The following CFH variants were observed in gnomAD, a reference collection of about 807,000 sequenced individuals.
CFH encodes the protein complement factor H.
Under a neutral mutation model 147.3 loss-of-function variants are expected in CFH, and 53 were observed. The observed-to-expected ratio is 0.36, with a 90% CI of 0.29 to 0.45. The LOEUF is 0.45. Among genes scored for constraint, CFH ranks in the 20% least tolerant of loss-of-function variants. The pLI, the probability that CFH is intolerant of heterozygous loss-of-function variation, is 1.00. For missense variants in CFH, 1,380 were observed against 1,498.0 expected, an observed-to-expected ratio of 0.92 and a Z score of 1.30; for synonymous variants, 536 against 489.4, an observed-to-expected ratio of 1.10 and a Z score of -1.26.
chr1:196,719,937 TTAAAA>T (rs1402831532), intron 11 of CFH, among the ~76,000 whole-genome samples: 1 of 151,648 alleles, frequency 6.6e-6, no homozygotes, highest in Non-Finnish European at 1.5e-5. Context: ...TTTTTTTAAC[TTAAAA>T]TATATTAGAA....
chr1:196,714,533 T>A lies in CFH; in HGVS notation c.1519+616T>A, dbSNP rs966771095. Among the ~76,000 whole-genome samples, 14 of 149,624 alleles carry A rather than the reference T, an allele frequency of 9.4e-5. 1 individual carries two copies. The Admixed American group carries it at 9.4e-4, about 10-fold the overall frequency. On this transcript the variant is annotated intron_variant, in intron 10 of 21. Coordinates refer to ENST00000367429, the MANE Select transcript of CFH (RefSeq NM_000186.4). ...TTCCCTACCACACTATCTAGATATT[T>A]ATGAAAATTTTCTGGGAACAATTGG...
chr1:196,704,652 C>T (rs1484097354), intron 9 of CFH, among the ~76,000 whole-genome samples: 2 of 152,184 alleles, frequency 1.3e-5, no homozygotes, highest in African/African-American at 4.8e-5. Flanking sequence ...AGGAGTGGCG[C>T]TGCCAAATCT....
intron 6 of CFH, among the ~76,000 whole-genome samples, chr1:196,683,653 G>A (rs1667730216): frequency 6.6e-6 from 1 of 151,440 alleles, no homozygotes; most frequent in Admixed American, 6.6e-5. Flanking sequence ...AAAATACAGG[G>A]GAAAATGAAA....
intron 1 of CFH, among the ~76,000 whole-genome samples, chr1:196,653,284 A>G (rs1450218051): frequency 6.6e-6 from 1 of 151,764 alleles, no homozygotes; most frequent in East Asian, 1.9e-4. Context: ...TGGCTTGTAA[A>G]CTTTATATGT....
At chr1:196,701,409 T>C in intron 9 of CFH, 1 of 1,609,666 alleles carries the variant, frequency 6.2e-7, no homozygotes, top group South Asian at 1.1e-5. Context: ...AGTTTGAGTC[T>C]TGCCAGGTCA....
intron 1 of CFH, among the ~76,000 whole-genome samples, chr1:196,655,998 T>C (rs1666672596): frequency 6.6e-6 from 1 of 152,166 alleles, no homozygotes; most frequent in Non-Finnish European, 1.5e-5. Flanking sequence ...GGAAATGTAA[T>C]AGATAGAAAA....
rs117434964 is a variant in CFH at position 196,742,250 on chromosome 1, T to A, written c.3133+199T>A. The stretch of plus-strand genomic sequence containing the variant: ...AAATAGTGGGGCATGGTGACATGCA[T>A]CTGAAGTCCCAGCTACTTGGGAGAC... On this transcript the variant is annotated intron_variant, in intron 19 of 21. Transcript: ENST00000367429. Among the ~76,000 whole-genome samples, 116 of 152,090 alleles carry A rather than the reference T, an allele frequency of 7.6e-4. 1 individual carries two copies. In the East Asian group the frequency reaches 0.021, roughly 27 times the overall value.
rs1266913013 is a variant in CFH at position 196,726,770 on chromosome 1, G to A, written c.2066G>A (p.Ser689Asn). ...TTLPVCIVEE[S>N]TCGDIPELEH... Reference sequence around the variant, plus strand: ...TGTAAAATTTACATAGTGGAGGAGAGTACCTGTGGAGATATACCTGAACTT... The same window carrying A: ...TGTAAAATTTACATAGTGGAGGAGAATACCTGTGGAGATATACCTGAACTT... The change falls in exon 14 of 22, where the codon AGT becomes AAT. Residue 689 changes from serine to asparagine, a missense_variant. Ser to Asn is a conservative substitution (Grantham distance 46, BLOSUM62 1). This residue lies in a region of CFH where 830 missense variants were observed against 821.4 expected (regional missense o/e 1.01). Coordinates refer to ENST00000367429, the MANE Select transcript of CFH (RefSeq NM_000186.4). The A allele has an allele frequency of 5.0e-6, 8 of 1,613,780 alleles. No individual in the cohort carries two copies. Among genetic ancestry groups the A allele is most frequent in the South Asian group, 1.1e-5 (1 of 91,074 alleles).
chr1:196,684,985 A>G, intron 6 of CFH, 79 bp from the exon 7 acceptor site: 1 of 1,113,474 alleles, frequency 9.0e-7, no homozygotes, highest in East Asian at 2.5e-5. Context: ...AATAACACCC[A>G]CTTTTAAATG....
At chr1:196,662,893 A>C (rs535537590) in intron 1 of CFH, among the ~76,000 whole-genome samples, 2 of 152,180 alleles carry the variant, frequency 1.3e-5, no homozygotes, top group South Asian at 2.1e-4. Context: ...AAATAAAATA[A>C]ATTTTATGAA....
At chr1:196,704,196 G>T (rs1668530640) in intron 9 of CFH, among the ~76,000 whole-genome samples, 1 of 151,972 alleles carries the variant, frequency 6.6e-6, no homozygotes, top group Non-Finnish European at 1.5e-5. Context: ...ACGAGCTAAA[G>T]CAATTTTCCT....
intron 9 of CFH, among the ~76,000 whole-genome samples, chr1:196,713,530 G>C (rs1668773035): frequency 1.3e-5 from 2 of 152,198 alleles, no homozygotes; most frequent in South Asian, 4.2e-4. Flanking sequence ...ATAGAGCCTT[G>C]TTTTAAAAAG....
At chr1:196,679,075 G>C (rs191143672) in intron 5 of CFH, 54 of 153,222 alleles carry the variant, frequency 3.5e-4, no homozygotes, top group African/African-American at 1.2e-3. Context: ...CTTATGATTG[G>C]CACAATCCCA....
At chr1:196,672,682 G>C (rs191887578) in intron 1 of CFH, among the ~76,000 whole-genome samples, 112 of 152,230 alleles carry the variant, frequency 7.4e-4, no homozygotes, top group Non-Finnish European at 1.4e-3. Flanking sequence ...CAGCAATTAA[G>C]AGTAATATAA....
At position 196,747,452 on chromosome 1, in the gene CFH, T is replaced by C; in HGVS notation, c.*139T>C. ...AATTTGTGAAAATGTAATTATAAGC[T>C]GAGACCGGTGGCTCTCTTCTTAAAA... On this transcript the variant is annotated 3_prime_UTR_variant, in exon 22 of 22. Transcript: ENST00000367429. 1.1e-6 allele frequency: 1 copy of C among 938,630 alleles called. No individual in the cohort carries two copies. Among genetic ancestry groups the C allele is most frequent in the African/African-American group, 1.7e-5 (1 of 60,302 alleles). 58.1% of individuals were successfully genotyped at this position (938,630 alleles called of 1,614,324 possible).
At chr1:196,701,427 G>A (rs1668446668) in intron 9 of CFH, 1 of 1,568,028 alleles carries the variant, frequency 6.4e-7, no homozygotes, top group African/African-American at 1.3e-5. Flanking sequence ...TCAATACTTG[G>A]GTCCTGAGTA....
rs570619164 is a variant in CFH at position 196,705,936 on chromosome 1, A to G, written c.1337-7799A>G. Reference sequence around the variant, plus strand: ...ATCCTGCTAAATAAACCTATACATGATTGCATATAAATTACTGAGCAAGTG... The same window carrying G: ...ATCCTGCTAAATAAACCTATACATGGTTGCATATAAATTACTGAGCAAGTG... On this transcript the variant is annotated intron_variant, in intron 9 of 21. Coordinates refer to ENST00000367429, the MANE Select transcript of CFH (RefSeq NM_000186.4). Among the ~76,000 whole-genome samples, 9 of 152,240 alleles carry G rather than the reference A, an allele frequency of 5.9e-5. No individual in the cohort carries two copies. In the South Asian group the frequency reaches 1.9e-3, roughly 32 times the overall value.
intron 6 of CFH, among the ~76,000 whole-genome samples, chr1:196,680,898 C>T (rs1192545404): frequency 4.0e-5 from 6 of 151,794 alleles, no homozygotes; most frequent in African/African-American, 1.2e-4. Flanking sequence ...TTCACAATTG[C>T]GTGATCTCTA....
At chr1:196,731,047 T>C (rs1669269929) in intron 15 of CFH, among the ~76,000 whole-genome samples, 1 of 151,890 alleles carries the variant, frequency 6.6e-6, no homozygotes, top group Non-Finnish European at 1.5e-5. Flanking sequence ...TGCCTTTTGA[T>C]TATAGAATAT....
Sources: gnomAD v4.1 joint callset for allele counts (sites outside exome capture counted in the v4.1 genomes callset) on GRCh38, gnomAD v4.1.1 for gene constraint, gnomAD v4.1.1 regional missense constraint, MANE v1.5 for transcripts, NCBI Gene and HGNC (gene_info 2026-07-23, HGNC 2026-07-21) for gene names.